DHX8: variants seen among roughly 807,000 people sequenced by gnomAD.
DHX8 encodes ATP-dependent RNA helicase DHX8.
In DHX8, 67 loss-of-function variants were observed where a neutral mutation model predicts 140.7. The ratio of observed to expected loss-of-function variants is 0.48; its 90% CI spans 0.39 to 0.58. The LOEUF is 0.58. Among genes scored for constraint, DHX8 ranks in the 20% least tolerant of loss-of-function variants. DHX8 has a pLI of 0.00. For missense variants in DHX8, 887 were observed against 1,550.7 expected, an observed-to-expected ratio of 0.57 and a Z score of 7.19; for synonymous variants, 533 against 553.2, an observed-to-expected ratio of 0.96 and a Z score of 0.51.
chr17:43,537,986 CG>C (rs940549402), intron 3 of DHX8, among the ~76,000 whole-genome samples: 4 of 151,940 alleles, frequency 2.6e-5, no homozygotes, highest in African/African-American at 9.7e-5. Flanking sequence ...AAAAATTAGC[CG>C]GGTGTGGTGG....
At chr17:43,489,186 A>G (rs1271311912) in intron 1 of DHX8, among the ~76,000 whole-genome samples, 2 of 151,578 alleles carry the variant, frequency 1.3e-5, no homozygotes, top group East Asian at 3.9e-4. Flanking sequence ...TGTATTTTTA[A>G]TAGAGACGGG....
intron 1 of DHX8, among the ~76,000 whole-genome samples, chr17:43,487,908 C>T (rs930853275): frequency 2.0e-5 from 3 of 151,860 alleles, no homozygotes; most frequent in African/African-American, 7.3e-5. Flanking sequence ...ACCCGAGAGG[C>T]GGAGGTTGCA....
rs114904858 is a variant in DHX8, at chr17:43,540,180, T to C, written c.*20+3682T>C. ...TTAAAAACACGATTACAGCCAGGTG[T>C]GGTGGCTCACGCCTGTAATCCCAGC... On this transcript the variant is annotated intron_variant, in intron 3 of 3. Transcript: ENST00000589898. 1.9e-3 allele frequency among the ~76,000 whole-genome samples: 294 copies of C among 152,254 alleles called. 1 individual carries two copies. Among genetic ancestry groups the C allele is most frequent in the African/African-American group, 6.4e-3 (265 of 41,538 alleles).
chr17:43,504,989 A>C (rs1969407739), intron 12 of DHX8, among the ~76,000 whole-genome samples, 164 bp downstream of exon 12: 1 of 152,204 alleles, frequency 6.6e-6, no homozygotes, highest in Non-Finnish European at 1.5e-5. Context: ...CTTTTTTTTT[A>C]AATGGGGCTG....
intron 5 of DHX8, 148 bp from the exon 6 acceptor site, chr17:43,492,533 A>C (rs2154586372): frequency 1.6e-6 from 1 of 635,724 alleles, no homozygotes; most frequent in East Asian, 2.7e-5. Flanking sequence ...TTATTGGCTT[A>C]TAGGGATGTC....
downstream of DHX8, chr17:43,530,237 G>A: frequency 6.4e-7 from 1 of 1,551,206 alleles, no homozygotes; most frequent in Non-Finnish European, 8.7e-7. Context: ...CTCGAGGGCA[G>A]GGGAGGAGGA....
chr17:43,540,414 A>G (rs891767079), intron 3 of DHX8, among the ~76,000 whole-genome samples: 11 of 152,106 alleles, frequency 7.2e-5, no homozygotes, highest in African/African-American at 1.9e-4. Context: ...GATAGCACCA[A>G]TGCACTCCAG....
chr17:43,492,671 G>T lies in DHX8; in HGVS notation c.504-10G>T. 1.4e-6 allele frequency: 2 copies of T among 1,476,690 alleles called. No homozygotes were observed. Among genetic ancestry groups the T allele is most frequent in the South Asian group, 2.3e-5 (2 of 88,272 alleles). The allele number at this position is 1,476,690 out of a possible 1,614,324, so 91.5% of individuals were successfully genotyped here. A position where few individuals can be genotyped will look rare whatever the true frequency, so the allele number is the denominator to read the frequency against. On this transcript the variant is annotated splice_polypyrimidine_tract_variant and intron_variant, in intron 5 of 22. Transcript: ENST00000262415. ...TTTCTTTTTTAAACAGGTGCTTATT[G>T]ATTTGTTAGGGACAGGACAAAGAAG...
rs780582227 is a variant in DHX8, at chr17:43,492,752, G to A, written c.575G>A (p.Arg192Gln). 9 of 1,613,902 alleles carry A rather than the reference G, an allele frequency of 5.6e-6. 1 individual carries two copies. Among genetic ancestry groups the A allele is most frequent in the South Asian group, 4.4e-5 (4 of 91,086 alleles). Residue 192 changes from arginine (R) to glutamine (Q), a missense_variant, in exon 6 of 23, where the codon CGA (arginine) becomes CAA (glutamine). Around this residue, in one of 9 missense-constraint regions of DHX8, gnomAD observed 304 missense variants for 306.9 expected, o/e 0.99. Coordinates refer to ENST00000262415, the MANE Select transcript of DHX8 (RefSeq NM_004941.3). ...CGAGATCGAGACAGAGATAGGGAAC[G>A]AAACCGAGATAGAGACCACAAGCGG... ...RNRDRDRDRE[R>Q]NRDRDHKRRH...
chr17:43,526,416 C>T (rs562729220), downstream of DHX8: 14 of 1,528,050 alleles, frequency 9.2e-6, no homozygotes, highest in African/African-American at 4.1e-5. Context: ...GTGTGAGCTC[C>T]GCAGCTGGGT....
intron 3 of DHX8, chr17:43,536,620 T>C (rs868528811): frequency 3.0e-6 from 2 of 671,354 alleles, no homozygotes; most frequent in African/African-American, 3.6e-5. Flanking sequence ...ATTGTAAGAA[T>C]TGTCTTGGGC....
At chr17:43,532,860 A>G (rs2154587097) in intron 2 of DHX8, 1 of 1,613,120 alleles carries the variant, frequency 6.2e-7, no homozygotes, top group Non-Finnish European at 8.5e-7. Context: ...TGGTGTTGGT[A>G]GGGGGCTGGG....
intron 16 of DHX8, among the ~76,000 whole-genome samples, chr17:43,510,929 C>T (rs1598160300): frequency 6.6e-6 from 1 of 152,168 alleles, no homozygotes; most frequent in African/African-American, 2.4e-5. Context: ...AGCATGTTTT[C>T]AGAGTTCATC....
chr17:43,542,428 C>A (rs114212394), intron 3 of DHX8, among the ~76,000 whole-genome samples: 3 of 152,224 alleles, frequency 2.0e-5, no homozygotes, highest in African/African-American at 7.2e-5. Flanking sequence ...GGGCTCCTGA[C>A]AAGCCTGGAA....
intron 1 of DHX8, among the ~76,000 whole-genome samples, chr17:43,488,015 C>T (rs1968273957): frequency 6.6e-6 from 1 of 151,782 alleles, no homozygotes; most frequent in Non-Finnish European, 1.5e-5. Context: ...TGCGGTGGCT[C>T]ATGACTGTAA....
downstream of DHX8, chr17:43,526,654 C>A (rs968883368): frequency 1.3e-6 from 2 of 1,528,760 alleles, no homozygotes; most frequent in African/African-American, 2.7e-5. Flanking sequence ...CCTTTCTTTC[C>A]CTGGATGCTG....
chr17:43,532,968 G>A (rs1366842200), intron 2 of DHX8: 2 of 1,534,246 alleles, frequency 1.3e-6, no homozygotes, highest in East Asian at 2.3e-5. Context: ...AGAAGGAAGA[G>A]AAGAGAACTT....
chr17:43,536,085 T>A lies in DHX8; in HGVS notation c.351-327T>A, dbSNP rs565742962. Reference sequence around the variant, plus strand: ...GAGATTGTGCCACTGCACTCCAGCCTGGGTGACAGAGCAAGACTCTGTCTT... The same window carrying A: ...GAGATTGTGCCACTGCACTCCAGCCAGGGTGACAGAGCAAGACTCTGTCTT... On this transcript the variant is annotated intron_variant, in intron 2 of 3. Transcript: ENST00000589898. Among the ~76,000 whole-genome samples the A allele has an allele frequency of 2.0e-5, 3 of 152,072 alleles. No individual in the cohort carries two copies. In the South Asian group the frequency reaches 6.2e-4, roughly 32 times the overall value.
intron 2 of DHX8, among the ~76,000 whole-genome samples, chr17:43,531,931 C>T (rs746575669): frequency 4.6e-5 from 7 of 152,184 alleles, no homozygotes; most frequent in Non-Finnish European, 7.3e-5. Flanking sequence ...GTAATTAAAA[C>T]CTCAAACACC....
Sources: gnomAD v4.1 joint callset for allele counts (sites outside exome capture counted in the v4.1 genomes callset) on GRCh38, gnomAD v4.1.1 for gene constraint, gnomAD v4.1.1 regional missense constraint, MANE v1.5 for transcripts, NCBI Gene and HGNC (gene_info 2026-07-23, HGNC 2026-07-21) for gene names.